PLEKHG4B: variants seen among roughly 807,000 people sequenced by gnomAD.
PLEKHG4B encodes pleckstrin homology and RhoGEF domain containing G4B, also known as pleckstrin homology domain-containing family G member 4B.
A neutral mutation model predicts 121.3 loss-of-function variants in PLEKHG4B; 111 were observed. The observed-to-expected ratio is 0.92, with a 90% confidence interval of 0.78 to 1.07. The LOEUF (loss-of-function observed/expected upper bound fraction) is 1.07, where lower values mean the gene tolerates loss of function less well. PLEKHG4B is among the 50% of genes least tolerant of loss of function. The pLI is 0.00. For missense variants in PLEKHG4B, 1,831 were observed against 1,757.8 expected, an observed-to-expected ratio of 1.04 and a Z score of -0.74; for synonymous variants, 738 against 725.0, an observed-to-expected ratio of 1.02 and a Z score of -0.29.
chr5:174,588 G>T (rs911171079), intron 18 of PLEKHG4B, among the ~76,000 whole-genome samples: 1 of 152,182 alleles, frequency 6.6e-6, no homozygotes, highest in South Asian at 2.1e-4. Flanking sequence ...AAGGGATGGG[G>T]TCATTGCCCC....
Position 182,477 on chromosome 5 carries a change from T to A in PLEKHG4B, c.*154T>A. On this transcript the variant is annotated 3_prime_UTR_variant, in exon 20 of 20. Coordinates refer to ENST00000637938, the MANE Select transcript of PLEKHG4B (RefSeq NM_052909.5). ...GCAGGTGTCCAGGTATTTCCCAGGA[T>A]TTTAGACATTCCCTAACATTTTCAA... 1.4e-6 allele frequency: 1 copy of A among 715,664 alleles called. No homozygotes were observed. The highest frequency in any genetic ancestry group is 2.2e-6 in the Non-Finnish European group (1 of 448,900). 44.3% of individuals were successfully genotyped at this position (715,664 alleles called of 1,614,324 possible). A position where few individuals can be genotyped will look rare whatever the true frequency, so the allele number is the denominator to read the frequency against.
At chr5:135,721 A>ATG (rs1376946851) in intron 2 of PLEKHG4B, among the ~76,000 whole-genome samples, 9 of 115,880 alleles carry the variant, frequency 7.8e-5, no homozygotes, top group Admixed American at 8.7e-5. Flanking sequence ...ATATATATAT[A>ATG]TATATATGTA....
At chr5:97,232 C>T (rs1733655135) in intron 1 of PLEKHG4B, among the ~76,000 whole-genome samples, 2 of 152,122 alleles carry the variant, frequency 1.3e-5, no homozygotes, top group South Asian at 4.1e-4. Flanking sequence ...ACCTGCCATT[C>T]AGGCTCCAGA....
chr5:137,012 G>A lies in PLEKHG4B; in HGVS notation c.244-2471G>A, dbSNP rs1300003788. On this transcript the variant is annotated intron_variant, in intron 2 of 19. Coordinates refer to ENST00000637938, the MANE Select transcript of PLEKHG4B (RefSeq NM_052909.5). The surrounding 1 kb of genome is among the most constrained non-coding windows in gnomAD (Gnocchi z 4.2). ...GTCTATACACATAATGGAATATTAT[G>A]CAACCCTGTGGATGGATGAATGGAT... 6.6e-6 allele frequency among the ~76,000 whole-genome samples: 1 copy of A among 152,222 alleles called. No individual in the cohort carries two copies. Among genetic ancestry groups the A allele is most frequent in the Non-Finnish European group, 1.5e-5 (1 of 68,038 alleles).
rs1365253696 is a variant in PLEKHG4B at position 151,520 on chromosome 5, C to T, written c.1913C>T (p.Thr638Ile). The T allele has an allele frequency of 1.3e-6, 2 of 1,556,222 alleles. No individual in the cohort carries two copies. The highest frequency in any genetic ancestry group is 1.8e-6 in the Non-Finnish European group (2 of 1,133,962). Reference protein sequence around the residue: ...SQALSGLQNNTSPIIHSILLL... With the variant: ...SQALSGLQNNISPIIHSILLL... ...ATTTCTTATTTATTTCAGAACAACA[C>T]ATCTCCTATAATTCATAGTATCTTG... The change falls in exon 7 of 20, where the codon ACA (threonine) becomes ATA (isoleucine). Residue 638 changes from threonine to isoleucine, a missense_variant. Thr to Ile is a moderately conservative substitution (Grantham distance 89, BLOSUM62 -1). Coordinates refer to ENST00000637938, the MANE Select transcript of PLEKHG4B (RefSeq NM_052909.5).
intron 1 of PLEKHG4B, among the ~76,000 whole-genome samples, chr5:103,773 CTG>C (rs1203790913): frequency 1.3e-5 from 2 of 152,212 alleles, no homozygotes; most frequent in African/African-American, 4.8e-5. Flanking sequence ...AAATTATTAA[CTG>C]TAATTTGCCT....
At position 144,873 on chromosome 5, in the gene PLEKHG4B, A is replaced by G; in HGVS notation, c.1858A>G (p.Arg620Gly). The G allele has an allele frequency of 6.2e-7, 1 of 1,613,398 alleles. No homozygotes were observed. The highest frequency in any genetic ancestry group is 8.5e-7 in the Non-Finnish European group (1 of 1,179,984). ...LGLVVLVDAR[R>G]SPAAPAVSQA... The stretch of plus-strand genomic sequence containing the variant: ...GCTGGTTGTCCTGGTGGATGCACGC[A>G]GGAGTCCAGCTGCCCCTGCCGTCTC... Residue 620 changes from arginine to glycine, a missense_variant, in exon 6 of 20, where the codon AGG becomes GGG. By Grantham distance (125) the Arg-to-Gly change is moderately radical. Transcript: ENST00000637938.
chr5:109,906 T>G (rs1409283215), intron 1 of PLEKHG4B, among the ~76,000 whole-genome samples: 1 of 151,932 alleles, frequency 6.6e-6, no homozygotes, highest in Non-Finnish European at 1.5e-5. Flanking sequence ...GCAACACACA[T>G]GCACACATCC....
chr5:164,977 A>C lies in PLEKHG4B; in HGVS notation c.3476+1429A>C, dbSNP rs1222365940. On this transcript the variant is annotated intron_variant, in intron 13 of 19. Coordinates refer to ENST00000637938, the MANE Select transcript of PLEKHG4B (RefSeq NM_052909.5). ...ACACACTAATGCTCTGACGGGGCGG[A>C]GCTCACACTAATGCTCTGACGGGGC... Among the ~76,000 whole-genome samples, 3 of 41,194 alleles carry C rather than the reference A, an allele frequency of 7.3e-5. No homozygotes were observed. In the East Asian group the frequency reaches 1.3e-3, roughly 18 times the overall value. The allele number at this position is 41,194 out of a possible 152,430, so 27.0% of individuals were successfully genotyped here.
At chr5:166,453 C>CA (rs1330872867) in intron 13 of PLEKHG4B, among the ~76,000 whole-genome samples, 1 of 109,636 alleles carries the variant, frequency 9.1e-6, no homozygotes, top group Non-Finnish European at 1.9e-5. Context: ...AATGCTCTGA[C>CA]GGGGCGGAGC....
At position 95,208 on chromosome 5, in the gene PLEKHG4B, C is replaced by G. The variant is rs1273102116; in HGVS notation, c.45+2932C>G. ...GAATTTCTTTTACATGTTAAAACTG[C>G]TTACCTTTCTGAGGCTGACACAGCC... On this transcript the variant is annotated intron_variant, in intron 1 of 19. Transcript: ENST00000637938. 3.9e-5 allele frequency among the ~76,000 whole-genome samples: 6 copies of G among 152,296 alleles called. No individual in the cohort carries two copies. The South Asian group carries it at 1.2e-3, about 32-fold the overall frequency.
chr5:172,055 C>T (rs1389645033), intron 16 of PLEKHG4B, among the ~76,000 whole-genome samples: 1 of 152,230 alleles, frequency 6.6e-6, no homozygotes, highest in Non-Finnish European at 1.5e-5. Context: ...TCCACTCTGG[C>T]CTGGGATGGG....
rs778567925 is a variant in PLEKHG4B, at chr5:140,483, A to G, written c.1244A>G (p.Glu415Gly). 1 of 1,594,758 alleles carries G rather than the reference A, an allele frequency of 6.3e-7. No homozygotes were observed. Among genetic ancestry groups the G allele is most frequent in the Non-Finnish European group, 8.5e-7 (1 of 1,171,058 alleles). Residue 415 changes from glutamate to glycine, a missense_variant, in exon 3 of 20, where the codon GAG becomes GGG. Physicochemically the swap from Glu to Gly is moderately conservative, Grantham distance 98. Coordinates refer to ENST00000637938, the MANE Select transcript of PLEKHG4B (RefSeq NM_052909.5). ...RGDPQQTPSL[E>G]KERHTPSRTG... ...GACCCCCAACAGACCCCAAGTCTAG[A>G]GAAGGAGAGGCACACACCCAGCCGG...
intron 3 of PLEKHG4B, among the ~76,000 whole-genome samples, chr5:142,559 C>T (rs1340718656): frequency 1.3e-5 from 2 of 151,934 alleles, no homozygotes; most frequent in East Asian, 1.9e-4. Flanking sequence ...ATACCACACA[C>T]ACAGTCACAC....
chr5:94,195 T>C (rs982635744), intron 1 of PLEKHG4B, among the ~76,000 whole-genome samples: 3 of 152,204 alleles, frequency 2.0e-5, no homozygotes, highest in African/African-American at 7.2e-5. Context: ...CCCTGAAATT[T>C]TGGTGCCTCT....
chr5:153,056 A>C (rs1370028890), intron 7 of PLEKHG4B, among the ~76,000 whole-genome samples: 2 of 152,234 alleles, frequency 1.3e-5, no homozygotes, highest in African/African-American at 4.8e-5. Context: ...AGCAGTGTGA[A>C]AACAGACTAA....
intron 1 of PLEKHG4B, among the ~76,000 whole-genome samples, chr5:100,425 A>T (rs341252): frequency 0.2 from 19,095 of 96,794 alleles, 789 homozygotes; most frequent in African/African-American, 0.35. Flanking sequence ...GTTGTGAGGT[A>T]AATCCATATA....
intron 13 of PLEKHG4B, 72 bp downstream of exon 13, chr5:163,620 G>C: frequency 7.9e-7 from 1 of 1,265,440 alleles, no homozygotes; most frequent in Non-Finnish European, 1.1e-6. Flanking sequence ...CATTTAGGCA[G>C]TAAACTCTCT....
At chr5:99,206 ATATATATT>A (rs1733728226) in intron 1 of PLEKHG4B, among the ~76,000 whole-genome samples, 2 of 87,878 alleles carry the variant, frequency 2.3e-5, no homozygotes, top group South Asian at 4.8e-4. Flanking sequence ...ATATATATAT[ATATATATT>A]TTGCGATTTT....
Sources: allele counts gnomAD v4.1 joint callset (sites outside exome capture counted in the v4.1 genomes callset), GRCh38; gene constraint gnomAD v4.1.1; non-coding constraint Gnocchi (gnomAD v3.1); transcripts MANE v1.5; gene names NCBI Gene and HGNC (gene_info 2026-07-23, HGNC 2026-07-21).